Variants in STIM1 observed in about 807,000 individuals in gnomAD.
The protein encoded by STIM1 is stromal interaction molecule 1.
STIM1 carries 25 observed loss-of-function variants against 74.7 expected under a neutral mutation model. The observed-to-expected ratio is 0.33, with a 90% CI of 0.24 to 0.47. The LOEUF (loss-of-function observed/expected upper bound fraction) is 0.47, where lower values mean the gene tolerates loss of function less well. Among genes scored for constraint, STIM1 ranks in the 20% least tolerant of loss-of-function variants. The pLI, the probability that STIM1 is intolerant of heterozygous loss-of-function variation, is 1.00. For synonymous variants in STIM1, 328 were observed against 348.8 expected (o/e 0.94, Z 0.66); for missense variants, 728 against 920.8 (o/e 0.79, Z 2.71).
chr11:3,960,387 AG>A (rs1402863074), intron 1 of STIM1, among the ~76,000 whole-genome samples: 1 of 152,202 alleles, frequency 6.6e-6, no homozygotes, highest in Non-Finnish European at 1.5e-5. Context: ...CTGGATTAAA[AG>A]CTTTTCTGAT....
At chr11:3,876,868 G>C (rs778191222) in intron 1 of STIM1, among the ~76,000 whole-genome samples, 2 of 152,130 alleles carry the variant, frequency 1.3e-5, no homozygotes, top group African/African-American at 4.8e-5. Flanking sequence ...TATTCACCAG[G>C]AGTAGTGCCT....
At chr11:3,929,316 T>C (rs4910865) in intron 1 of STIM1, among the ~76,000 whole-genome samples, 53,954 of 151,892 alleles carry the variant, frequency 0.36, 9,788 homozygotes, top group South Asian at 0.49. Context: ...TGGCAGTTAG[T>C]ACCCCACATT....
intron 1 of STIM1, among the ~76,000 whole-genome samples, chr11:3,857,108 GTTT>G (rs34961672): frequency 9.6e-6 from 1 of 104,038 alleles, no homozygotes; most frequent in East Asian, 3.4e-4. Context: ...TTTTTTTTTT[GTTT>G]TTTTTTTTTT....
At chr11:4,088,645 G>A in intron 12 of STIM1, 1 of 1,494,776 alleles carries the variant, frequency 6.7e-7, no homozygotes. Flanking sequence ...GGGCGGAGAG[G>A]TACCTGTATC....
At position 4,080,168 on chromosome 11, in the gene STIM1, C is replaced by T. The variant is rs894300259; in HGVS notation, c.970-2016C>T. ...GGCTGAGGAGGGAGGATCACTTGAG[C>T]CCGGGAGGCAGAGGTTGCAGTGAGC... On this transcript the variant is annotated intron_variant, in intron 7 of 12. Transcript: ENST00000526596. 2.6e-5 allele frequency among the ~76,000 whole-genome samples: 4 copies of T among 152,220 alleles called. No homozygotes were observed. In the East Asian group the frequency reaches 7.7e-4, roughly 29 times the overall value.
chr11:4,044,226 G>C (rs2094172598), intron 3 of STIM1, among the ~76,000 whole-genome samples: 1 of 152,112 alleles, frequency 6.6e-6, no homozygotes, highest in African/African-American at 2.4e-5. Flanking sequence ...ATTGACTCTT[G>C]CTTGCATGTC....
rs116950669 is a variant in STIM1 at position 4,063,979 on chromosome 11, T to A, written c.613+4583T>A. Among the ~76,000 whole-genome samples the A allele has an allele frequency of 1.1e-3, 169 of 152,308 alleles. No homozygotes were observed. The East Asian group carries it at 0.028, about 25-fold the overall frequency. ...GTATTTTTAGGACTTCTGTGCTTGG[T>A]CCTTGCCTTATTAAGTGAGCTTTGG... On this transcript the variant is annotated intron_variant, in intron 5 of 12. Transcript: ENST00000526596.
Position 4,059,411 on chromosome 11 carries a change from G to A in STIM1, c.613+15G>A, listed in dbSNP as rs749786559. On this transcript the variant is annotated intron_variant, in intron 5 of 12. Transcript: ENST00000526596. ...GCCTCCTCTCTGTGAGTCTTGTGTT[G>A]AGAAGGGCTACTGCTGTGCCATGGA... is the stretch of plus-strand genomic sequence containing the variant. The A allele has an allele frequency of 6.2e-7, 1 of 1,608,664 alleles. No homozygotes were observed. The highest frequency in any genetic ancestry group is 8.5e-7 in the Non-Finnish European group (1 of 1,175,226).
At chr11:3,971,332 A>G (rs2093391794) in intron 2 of STIM1, among the ~76,000 whole-genome samples, 2 of 152,088 alleles carry the variant, frequency 1.3e-5, no homozygotes, top group African/African-American at 2.4e-5. Flanking sequence ...GATTGAGACC[A>G]TCCTGGCTAA....
chr11:4,047,019 G>T (rs2094198763), intron 3 of STIM1, among the ~76,000 whole-genome samples: 1 of 152,140 alleles, frequency 6.6e-6, no homozygotes, highest in Non-Finnish European at 1.5e-5. Flanking sequence ...TTTTTCTAAG[G>T]AGGTTTTGTT....
At chr11:3,884,865 T>A (rs750556756) in intron 1 of STIM1, among the ~76,000 whole-genome samples, 28 of 152,114 alleles carry the variant, frequency 1.8e-4, no homozygotes, top group Admixed American at 6.5e-5. Flanking sequence ...TGCCACAACA[T>A]GGATAAACCT....
At chr11:4,032,122 G>T (rs997051801) in intron 3 of STIM1, among the ~76,000 whole-genome samples, 2 of 152,138 alleles carry the variant, frequency 1.3e-5, no homozygotes, top group Non-Finnish European at 2.9e-5. Context: ...ACCATTTTTA[G>T]AAATGCTGTT....
chr11:3,856,320 T>C lies in STIM1; in HGVS notation c.50T>C (p.Leu17Pro). Residue 17 changes from leucine (L) to proline (P), a missense_variant, in exon 1 of 13, where the codon CTG becomes CCG. Coordinates refer to ENST00000526596, the MANE Select transcript of STIM1 (RefSeq NM_001382567.1). Reference sequence around the variant, plus strand: ...CTGTGGCTCCTCTGGGGACTCCTCCTGCACCAGGGCCAGAGCCTCAGCCAT... The same window carrying C: ...CTGTGGCTCCTCTGGGGACTCCTCCCGCACCAGGGCCAGAGCCTCAGCCAT... ...LALWLLWGLL[L>P]HQGQSLSHSH... is the part of the protein sequence containing the mutation. 6.2e-7 allele frequency: 1 copy of C among 1,614,170 alleles called. No individual in the cohort carries two copies. The highest frequency in any genetic ancestry group is 8.5e-7 in the Non-Finnish European group (1 of 1,180,024).
intron 10 of STIM1, chr11:4,083,776 A>G (rs2094477813): frequency 2.3e-6 from 1 of 440,562 alleles, no homozygotes; most frequent in African/African-American, 2.0e-5. Flanking sequence ...CCTAACTACC[A>G]CTCTATCTAC....
intron 2 of STIM1, among the ~76,000 whole-genome samples, chr11:3,991,421 T>G (rs541393898): frequency 6.6e-6 from 1 of 151,912 alleles, no homozygotes; most frequent in Admixed American, 6.6e-5. Context: ...TCCTCCCGCC[T>G]TGGCCTCCCA....
At chr11:3,980,564 A>G (rs1190947672) in intron 2 of STIM1, among the ~76,000 whole-genome samples, 1 of 149,932 alleles carries the variant, frequency 6.7e-6, no homozygotes, top group East Asian at 2.0e-4. Flanking sequence ...GCTTGAGGCC[A>G]GGAGTTCTAG....
At chr11:4,012,165 C>A (rs909821764) in intron 2 of STIM1, among the ~76,000 whole-genome samples, 2 of 152,164 alleles carry the variant, frequency 1.3e-5, no homozygotes, top group African/African-American at 4.8e-5. Flanking sequence ...TGTGATGCCT[C>A]CAGCTTTGTT....
At chr11:3,872,951 CTT>C (rs1246762993) in intron 1 of STIM1, among the ~76,000 whole-genome samples, 13 of 140,950 alleles carry the variant, frequency 9.2e-5, no homozygotes, top group Admixed American at 1.4e-4. Context: ...GTTACTCCCA[CTT>C]TTTTTTTTTT....
chr11:3,955,598 A>G (rs2093202390), intron 1 of STIM1, among the ~76,000 whole-genome samples: 1 of 152,142 alleles, frequency 6.6e-6, no homozygotes, highest in Non-Finnish European at 1.5e-5. Flanking sequence ...TTGAATGTAT[A>G]TAATGTAAAA....
Sources: allele counts gnomAD v4.1 joint callset (sites outside exome capture counted in the v4.1 genomes callset), GRCh38; gene constraint gnomAD v4.1.1; transcripts MANE v1.5; gene names NCBI Gene and HGNC (gene_info 2026-07-23, HGNC 2026-07-21).